Variants in FTO observed in about 807,000 individuals in gnomAD.
The protein encoded by FTO is alpha-ketoglutarate-dependent dioxygenase FTO.
Under a neutral mutation model 63.9 loss-of-function variants are expected in FTO, and 47 were observed. The observed-to-expected ratio is 0.74, with a 90% CI of 0.58 to 0.94. FTO has a LOEUF of 0.94. Among genes scored for constraint, FTO ranks in the 40% least tolerant of loss-of-function variants. The pLI, the probability that FTO is intolerant of heterozygous loss-of-function variation, is 0.00. For missense variants in FTO, 562 were observed against 618.1 expected (o/e 0.91, Z 0.96); for synonymous variants, 207 against 224.4 (o/e 0.92, Z 0.69).
At chr16:53,774,579 G>A (rs2077419483) in intron 1 of FTO, among the ~76,000 whole-genome samples, 1 of 152,026 alleles carries the variant, frequency 6.6e-6, no homozygotes, top group African/African-American at 2.4e-5. Context: ...ATTTTCACTT[G>A]GTTGTTCTAC....
At chr16:53,710,836 G>A (rs1223332172) in intron 1 of FTO, among the ~76,000 whole-genome samples, 2 of 152,146 alleles carry the variant, frequency 1.3e-5, no homozygotes, top group African/African-American at 4.8e-5. Context: ...CTTTTAGGTG[G>A]GAAATGTGCT....
chr16:53,763,660 C>A (rs562837146), intron 1 of FTO, among the ~76,000 whole-genome samples: 1 of 152,230 alleles, frequency 6.6e-6, no homozygotes. Flanking sequence ...CTTATAAAGT[C>A]AAGGTAGTAA....
intron 8 of FTO, among the ~76,000 whole-genome samples, chr16:53,984,321 C>CTT (rs5816913): frequency 0.042 from 2,815 of 67,198 alleles, 740 homozygotes; most frequent in African/African-American, 0.11. Context: ...TGGAATGGGT[C>CTT]TTTTTTTTTT....
intron 7 of FTO, among the ~76,000 whole-genome samples, chr16:53,903,022 A>C (rs937484676): frequency 2.6e-5 from 4 of 152,144 alleles, no homozygotes; most frequent in African/African-American, 4.8e-5. Flanking sequence ...GGGCAGGAGG[A>C]TCACTTGAGT....
chr16:53,908,512 T>C (rs2081595290), intron 7 of FTO, among the ~76,000 whole-genome samples: 1 of 152,312 alleles, frequency 6.6e-6, no homozygotes, highest in Admixed American at 6.5e-5. Context: ...ATAAGAAACT[T>C]TGGGGACCTT....
intron 8 of FTO, among the ~76,000 whole-genome samples, chr16:54,082,528 G>A (rs1253039256): frequency 2.0e-5 from 3 of 152,134 alleles, no homozygotes; most frequent in Non-Finnish European, 2.9e-5. Context: ...TATGGGCCAC[G>A]CATGCTCCAT....
At chr16:54,074,200 C>T (rs2085934570) in intron 8 of FTO, among the ~76,000 whole-genome samples, 1 of 151,434 alleles carries the variant, frequency 6.6e-6, no homozygotes, top group Non-Finnish European at 1.5e-5. Flanking sequence ...TCTAAGGTTA[C>T]TTTTCCTAAG....
At chr16:53,858,188 T>C (rs2080064704) in intron 4 of FTO, among the ~76,000 whole-genome samples, 1 of 152,214 alleles carries the variant, frequency 6.6e-6, no homozygotes, top group South Asian at 2.1e-4. Context: ...ATTCATCAGT[T>C]CCAAGGTAGA....
chr16:54,071,878 T>C (rs2085880871), intron 8 of FTO: 1 of 152,210 alleles, frequency 6.6e-6, no homozygotes, highest in Admixed American at 6.5e-5. Context: ...TCTAATTCTA[T>C]GCATCACATC....
At chr16:53,934,149 A>G (rs1169527614) in intron 8 of FTO, 40 bp downstream of exon 8, 3 of 1,611,204 alleles carry the variant, frequency 1.9e-6, no homozygotes, top group Non-Finnish European at 2.5e-6. Flanking sequence ...GTTCTTGACA[A>G]ACAAGAACTA....
intron 8 of FTO, among the ~76,000 whole-genome samples, chr16:54,022,374 T>C (rs2084622175): frequency 6.6e-6 from 1 of 152,114 alleles, no homozygotes; most frequent in Non-Finnish European, 1.5e-5. Context: ...ATGGATAAAA[T>C]GCTCTTTGAA....
intron 4 of FTO, among the ~76,000 whole-genome samples, chr16:53,853,528 A>G (rs1372511730): frequency 6.6e-6 from 1 of 151,676 alleles, no homozygotes; most frequent in Non-Finnish European, 1.5e-5. Flanking sequence ...CTACACCTTC[A>G]TGTGCCCATA....
rs1598535569 is a variant in FTO at position 53,739,907 on chromosome 16, C to G, written c.45+35678C>G. Among the ~76,000 whole-genome samples the G allele has an allele frequency of 3.3e-5, 5 of 152,016 alleles. No individual in the cohort carries two copies. In the South Asian group the frequency reaches 1.0e-3, roughly 32 times the overall value. ...CTTAAAAACACTTAAAAAATAGAAG[C>G]AGTATAAAGTTTGATCTCCCAAGGA... On this transcript the variant is annotated intron_variant, in intron 1 of 8. Coordinates refer to ENST00000471389, the MANE Select transcript of FTO (RefSeq NM_001080432.3).
chr16:54,022,023 A>C (rs1226914493), intron 8 of FTO, among the ~76,000 whole-genome samples: 1 of 152,200 alleles, frequency 6.6e-6, no homozygotes, highest in Non-Finnish European at 1.5e-5. Flanking sequence ...ATTTTACAGC[A>C]GATGTTTTCA....
At chr16:54,065,627 A>T (rs2085709137) in intron 8 of FTO, among the ~76,000 whole-genome samples, 1 of 152,230 alleles carries the variant, frequency 6.6e-6, no homozygotes, top group African/African-American at 2.4e-5. Context: ...GTGCTTGCAG[A>T]GAGAAATTTC....
rs2079058476 is a variant in FTO at position 53,828,206 on chromosome 16, C to G, written c.751+1715C>G. Among the ~76,000 whole-genome samples, 3 of 151,986 alleles carry G rather than the reference C, an allele frequency of 2.0e-5. No individual in the cohort carries two copies. The South Asian group carries it at 6.2e-4, about 32-fold the overall frequency. ...AATCTGTAAGAGCGGTGTGCAAACTCCTTTGTTCTCTTTTTTTTCTTTTTT... is the reference window on the plus strand; with the variant it reads ...AATCTGTAAGAGCGGTGTGCAAACTGCTTTGTTCTCTTTTTTTTCTTTTTT... On this transcript the variant is annotated intron_variant, in intron 3 of 8. Transcript: ENST00000471389.
At chr16:53,970,239 A>G (rs1377984560) in intron 8 of FTO, among the ~76,000 whole-genome samples, 1 of 152,096 alleles carries the variant, frequency 6.6e-6, no homozygotes, top group Non-Finnish European at 1.5e-5. Context: ...TGCCTCCCTT[A>G]ATCATATGGA....
chr16:54,071,573 C>T (rs1332670069), intron 8 of FTO: 1 of 152,134 alleles, frequency 6.6e-6, no homozygotes, highest in Non-Finnish European at 1.5e-5. Context: ...GTGTAACCAT[C>T]CCGCCTGACC....
intron 7 of FTO, among the ~76,000 whole-genome samples, chr16:53,911,819 C>A (rs1244757754): frequency 6.6e-6 from 1 of 152,198 alleles, no homozygotes; most frequent in Non-Finnish European, 1.5e-5. Context: ...TCTAAAATTG[C>A]ACTGGGCTCT....
Sources: allele counts gnomAD v4.1 joint callset (sites outside exome capture counted in the v4.1 genomes callset), GRCh38; gene constraint gnomAD v4.1.1; transcripts MANE v1.5; gene names NCBI Gene and HGNC (gene_info 2026-07-23, HGNC 2026-07-21).